Variants in PHRF1 observed in about 807,000 individuals in gnomAD.
The protein encoded by PHRF1 is PHD and RING finger domain-containing protein 1.
A neutral mutation model predicts 128.9 loss-of-function variants in PHRF1; 53 were observed. That is an observed-to-expected ratio of 0.41 (90% CI 0.33 to 0.52). The LOEUF is 0.52. Among genes scored for constraint, PHRF1 ranks in the 20% least tolerant of loss-of-function variants. PHRF1 has a pLI of 0.21. For synonymous variants in PHRF1, 1,178 were observed against 980.6 expected (o/e 1.20, Z -3.76); for missense variants, 2,503 against 2,284.5 (o/e 1.10, Z -1.95).
At chr11:585,711 C>T (rs1313402693) in intron 3 of PHRF1, among the ~76,000 whole-genome samples, 6 of 90,876 alleles carry the variant, frequency 6.6e-5, no homozygotes, top group African/African-American at 4.8e-5. Context: ...GGTCGAGTCT[C>T]GCTCTGTTGC....
intron 11 of PHRF1, 126 bp downstream of exon 11, chr11:605,426 C>G: frequency 6.8e-7 from 1 of 1,475,104 alleles, no homozygotes; most frequent in South Asian, 1.3e-5. Flanking sequence ...GGCCATTCCT[C>G]CCACCGCCAT....
intron 10 of PHRF1, among the ~76,000 whole-genome samples, chr11:603,611 A>T (rs1176520616): frequency 6.6e-6 from 1 of 152,130 alleles, no homozygotes; most frequent in African/African-American, 2.4e-5. Flanking sequence ...CTGGGATTAC[A>T]GGTGTGAGCG....
At position 598,429 on chromosome 11, in the gene PHRF1, G is replaced by T. The variant is rs199734108; in HGVS notation, c.951G>T (p.Ala317=). ...SLLDEAIEAV[A]TGLSTAVYQR... is the part of the protein sequence containing the mutation. ...TGGATGAAGCCATCGAGGCTGTGGCGACTGGCCTGAGCACTGCCGTGTATC... is the reference window on the plus strand; with the variant it reads ...TGGATGAAGCCATCGAGGCTGTGGCTACTGGCCTGAGCACTGCCGTGTATC... The change falls in exon 9 of 18, where the codon GCG becomes GCT. Residue 317 remains alanine, a synonymous_variant. Coordinates refer to ENST00000264555, the MANE Select transcript of PHRF1 (RefSeq NM_001286581.2). 1 of 1,611,228 alleles carries T rather than the reference G, an allele frequency of 6.2e-7. No homozygotes were observed. The highest frequency in any genetic ancestry group is 1.7e-5 in the Admixed American group (1 of 59,960).
chr11:587,761 C>T (rs566903751), intron 4 of PHRF1, among the ~76,000 whole-genome samples: 5 of 152,274 alleles, frequency 3.3e-5, no homozygotes, highest in South Asian at 2.1e-4. Flanking sequence ...CCATCTTGGC[C>T]TGCAAGCCAG....
chr11:596,891 C>T (rs1855310269), intron 6 of PHRF1, 32 bp from the exon 7 acceptor site: 6 of 1,596,542 alleles, frequency 3.8e-6, no homozygotes, highest in Non-Finnish European at 5.1e-6. Context: ...GTGAGCAGCA[C>T]CCGGATGCTT....
chr11:584,247 C>T (rs1854390020), intron 3 of PHRF1, among the ~76,000 whole-genome samples: 1 of 152,208 alleles, frequency 6.6e-6, no homozygotes, highest in Admixed American at 6.5e-5. Context: ...GGTCTCCGCA[C>T]CAGTTCTGGC....
intron 6 of PHRF1, among the ~76,000 whole-genome samples, chr11:594,120 A>AT (rs1402782917): frequency 6.6e-6 from 1 of 152,154 alleles, no homozygotes; most frequent in Non-Finnish European, 1.5e-5. Context: ...AAGAAAAAAA[A>AT]AGGTGGAGGG....
At position 608,915 on chromosome 11, in the gene PHRF1, G is replaced by A. The variant is rs779344974; in HGVS notation, c.3459G>A (p.Ala1153=). Residue 1153 remains alanine, a synonymous_variant, in exon 14 of 18, where the codon GCG becomes GCA. Transcript: ENST00000264555. ...GGCCAGACAGGAAGGAGAGTGTGGC[G>A]TGGCCCCGAGACCGGAGGAAGCGGA... ...HERPDRKESV[A]WPRDRRKRRS... 8.7e-6 allele frequency: 14 copies of A among 1,611,840 alleles called. No individual in the cohort carries two copies. The highest frequency in any genetic ancestry group is 3.3e-5 in the Admixed American group (2 of 59,970).
In PHRF1 at chr11:609,168, G is replaced by T; in HGVS notation, c.3712G>T (p.Ala1238Ser). 1 of 1,606,322 alleles carries T rather than the reference G, an allele frequency of 6.2e-7. No homozygotes were observed. Among genetic ancestry groups the T allele is most frequent in the Non-Finnish European group, 8.5e-7 (1 of 1,178,944 alleles). The change falls in exon 14 of 18, where the codon GCC becomes TCC. Residue 1238 changes from alanine (A) to serine (S), a missense_variant. Coordinates refer to ENST00000264555, the MANE Select transcript of PHRF1 (RefSeq NM_001286581.2). ...VSPEVATADK[A>S]PLQAPPVLEV... ...GCCGGAGGTGGCTACGGCCGACAAG[G>T]CCCCCCTGCAGGCTCCCCCTGTCCT...
In PHRF1 at chr11:607,289, T is replaced by A. The variant is rs750205753; in HGVS notation, c.1833T>A (p.Val611=). 1.7e-5 allele frequency: 28 copies of A among 1,612,538 alleles called. No individual in the cohort carries two copies. The African/African-American group carries it at 3.3e-4, about 19-fold the overall frequency. The change falls in exon 14 of 18, where the codon GTT becomes GTA. Residue 611 remains valine, a synonymous_variant. Coordinates refer to ENST00000264555, the MANE Select transcript of PHRF1 (RefSeq NM_001286581.2). The part of the protein sequence containing the change: ...RLDLPAAPGA[V]QARNLSNGSV... Reference sequence around the variant, plus strand: ...ACTTGCCAGCAGCCCCTGGGGCGGTTCAGGCTCGGAACTTGTCAAATGGGA... The same window carrying A: ...ACTTGCCAGCAGCCCCTGGGGCGGTACAGGCTCGGAACTTGTCAAATGGGA...
chr11:588,051 C>T (rs1470942337), intron 4 of PHRF1, among the ~76,000 whole-genome samples: 6 of 152,120 alleles, frequency 3.9e-5, no homozygotes, highest in Non-Finnish European at 7.4e-5. Flanking sequence ...CATGAGTCCC[C>T]GACCTCTGTA....
rs1419425782 is a variant in PHRF1 at position 576,538 on chromosome 11, G to A, written c.-76G>A. The A allele has an allele frequency of 6.6e-6, 1 of 152,410 alleles. No individual in the cohort carries two copies. Among genetic ancestry groups the A allele is most frequent in the African/African-American group, 2.4e-5 (1 of 41,352 alleles). The allele number at this position is 152,410 out of a possible 1,614,324, so 9.4% of individuals were successfully genotyped here. On this transcript the variant is annotated 5_prime_UTR_variant, in exon 1 of 18. Coordinates refer to ENST00000264555, the MANE Select transcript of PHRF1 (RefSeq NM_001286581.2). ...GCGGCCGGGCCTAGGAGCGACTCTCGGTCGTGCAGCGGCGGCGAGCGCTCG... is the reference window on the plus strand; with the variant it reads ...GCGGCCGGGCCTAGGAGCGACTCTCAGTCGTGCAGCGGCGGCGAGCGCTCG...
intron 12 of PHRF1, 148 bp from the exon 13 acceptor site, chr11:606,294 C>A: frequency 9.2e-7 from 1 of 1,087,474 alleles, no homozygotes; most frequent in Non-Finnish European, 1.3e-6. Flanking sequence ...CCTCTTAGAA[C>A]AGCAGCCGGA....
chr11:579,708 G>GT (rs1854098479), intron 1 of PHRF1, among the ~76,000 whole-genome samples: 1 of 152,220 alleles, frequency 6.6e-6, no homozygotes. Flanking sequence ...TCACCTTAGG[G>GT]TGGCAGGTAG....
rs775492689 is a variant in PHRF1 at position 611,803 on chromosome 11, G to A, written c.*26G>A. The A allele has an allele frequency of 5.1e-6, 8 of 1,576,192 alleles. No homozygotes were observed. Among genetic ancestry groups the A allele is most frequent in the African/African-American group, 2.7e-5 (2 of 73,996 alleles). On this transcript the variant is annotated 3_prime_UTR_variant, in exon 18 of 18. Coordinates refer to ENST00000264555, the MANE Select transcript of PHRF1 (RefSeq NM_001286581.2). Reference sequence around the variant, plus strand: ...GGCCAGGCAATCACGGGCTATGCCCGGGGAGCTGTCGGGAGTGGCGGGAAT... The same window carrying A: ...GGCCAGGCAATCACGGGCTATGCCCAGGGAGCTGTCGGGAGTGGCGGGAAT...
chr11:599,894 G>T (rs761116456), intron 9 of PHRF1, among the ~76,000 whole-genome samples: 4 of 152,204 alleles, frequency 2.6e-5, no homozygotes, highest in Non-Finnish European at 5.9e-5. Context: ...AGTACTCTGG[G>T]AATCTCTGTA....
intron 3 of PHRF1, among the ~76,000 whole-genome samples, chr11:586,514 C>A (rs946941347): frequency 2.6e-5 from 4 of 152,216 alleles, no homozygotes; most frequent in African/African-American, 9.6e-5. Context: ...GGGTTTCGGG[C>A]CTAGGAGGAA....
chr11:595,335 T>TA (rs1481174631), intron 6 of PHRF1, among the ~76,000 whole-genome samples: 2 of 152,222 alleles, frequency 1.3e-5, no homozygotes, highest in Non-Finnish European at 2.9e-5. Flanking sequence ...TATCTGTAGA[T>TA]ACACTGACAT....
intron 6 of PHRF1, among the ~76,000 whole-genome samples, chr11:594,426 C>T (rs1855166176): frequency 1.3e-5 from 2 of 152,220 alleles, no homozygotes; most frequent in South Asian, 4.1e-4. Context: ...TACTCATTTA[C>T]TTATTTTTTT....
Sources: allele counts gnomAD v4.1 joint callset (sites outside exome capture counted in the v4.1 genomes callset), GRCh38; gene constraint gnomAD v4.1.1; transcripts MANE v1.5; gene names NCBI Gene and HGNC (gene_info 2026-07-23, HGNC 2026-07-21).